Variants in CNTNAP2 observed in about 807,000 individuals in gnomAD.
CNTNAP2 encodes contactin-associated protein-like 2.
In CNTNAP2, 98 loss-of-function variants were observed where a neutral mutation model predicts 155.2. That is an observed-to-expected ratio of 0.63 (90% CI 0.54 to 0.75). CNTNAP2 has a LOEUF of 0.75. CNTNAP2 is among the 30% of genes least tolerant of loss of function. The pLI is 0.00. For missense variants in CNTNAP2, 1,727 were observed against 1,688.1 expected, an observed-to-expected ratio of 1.02 and a Z score of -0.40; for synonymous variants, 651 against 631.2, an observed-to-expected ratio of 1.03 and a Z score of -0.47.
At chr7:147,309,835 G>A (rs1049954962) in intron 9 of CNTNAP2, among the ~76,000 whole-genome samples, 1 of 151,948 alleles carries the variant, frequency 6.6e-6, no homozygotes, top group Non-Finnish European at 1.5e-5. Context: ...TCATCACCCA[G>A]GTGTAATAAG....
chr7:147,273,220 G>A (rs13235260), intron 8 of CNTNAP2, among the ~76,000 whole-genome samples: 9 of 151,840 alleles, frequency 5.9e-5, no homozygotes, highest in African/African-American at 1.9e-4. Flanking sequence ...TACAGTCTAC[G>A]TTGAGGGGTT....
chr7:147,299,927 T>C (rs1043963345), intron 8 of CNTNAP2, among the ~76,000 whole-genome samples: 5 of 152,184 alleles, frequency 3.3e-5, no homozygotes, highest in African/African-American at 1.2e-4. Flanking sequence ...CTCTACTTGA[T>C]TGGGTTATAT....
intron 1 of CNTNAP2, among the ~76,000 whole-genome samples, chr7:146,282,972 A>G (rs577307443): frequency 6.6e-4 from 100 of 152,328 alleles, no homozygotes; most frequent in African/African-American, 2.2e-3. Context: ...AAACTAGAAT[A>G]TCACATCTTC....
chr7:147,841,960 T>C (rs1216199547), intron 13 of CNTNAP2, among the ~76,000 whole-genome samples: 1 of 149,874 alleles, frequency 6.7e-6, no homozygotes, highest in African/African-American at 2.5e-5. Flanking sequence ...GATTTTAAAT[T>C]ATAAACCAAA....
chr7:147,485,023 G>A (rs963538305), intron 10 of CNTNAP2, among the ~76,000 whole-genome samples: 1 of 152,134 alleles, frequency 6.6e-6, no homozygotes, highest in Admixed American at 6.5e-5. Context: ...TGATGGGAGG[G>A]ATGAGTGGAT....
At chr7:147,262,180 G>A (rs1323399967) in intron 8 of CNTNAP2, among the ~76,000 whole-genome samples, 2 of 152,198 alleles carry the variant, frequency 1.3e-5, no homozygotes, top group Non-Finnish European at 2.9e-5. Flanking sequence ...AGTGAATGTG[G>A]AACATACTGA....
At chr7:148,358,282 G>A (rs1798555488) in intron 21 of CNTNAP2, among the ~76,000 whole-genome samples, 1 of 152,162 alleles carries the variant, frequency 6.6e-6, no homozygotes, top group South Asian at 2.1e-4. Context: ...CAGAATGAGA[G>A]GATCCTACGC....
chr7:148,299,212 A>C (rs922673543), intron 21 of CNTNAP2, among the ~76,000 whole-genome samples: 1 of 151,892 alleles, frequency 6.6e-6, no homozygotes, highest in Admixed American at 6.6e-5. Flanking sequence ...GAATGGTCTC[A>C]ATCTCCCGAC....
At chr7:147,813,382 A>T (rs561206080) in intron 13 of CNTNAP2, among the ~76,000 whole-genome samples, 3 of 152,348 alleles carry the variant, frequency 2.0e-5, no homozygotes, top group African/African-American at 7.2e-5. Flanking sequence ...GATGAAAAAG[A>T]TAGTCATATG....
intron 1 of CNTNAP2, among the ~76,000 whole-genome samples, chr7:146,166,139 G>A (rs748652271): frequency 6.6e-6 from 1 of 152,086 alleles, no homozygotes; most frequent in African/African-American, 2.4e-5. Context: ...TGTTGCCCAG[G>A]CTGGAGTGCA....
chr7:146,245,722 C>T (rs752355829), intron 1 of CNTNAP2, among the ~76,000 whole-genome samples: 4 of 152,062 alleles, frequency 2.6e-5, no homozygotes, highest in African/African-American at 7.3e-5. Context: ...TTGGGCTTGA[C>T]TGAAGTAATG....
intron 21 of CNTNAP2, among the ~76,000 whole-genome samples, chr7:148,314,761 T>C (rs1213505789): frequency 1.3e-5 from 2 of 151,740 alleles, no homozygotes; most frequent in East Asian, 3.9e-4. Context: ...CCACTAAGGG[T>C]GAAGGACCAA....
At chr7:147,381,386 C>T (rs144400369) in intron 9 of CNTNAP2, among the ~76,000 whole-genome samples, 71 of 152,110 alleles carry the variant, frequency 4.7e-4, no homozygotes, top group Non-Finnish European at 8.2e-4. Context: ...AATGTTTACA[C>T]TTATAAGAAA....
intron 1 of CNTNAP2, among the ~76,000 whole-genome samples, chr7:146,317,540 G>A (rs73463963): frequency 0.065 from 9,911 of 152,110 alleles, 910 homozygotes; most frequent in African/African-American, 0.2. Context: ...TACTGATTTC[G>A]TCTCAGTCTG....
intron 1 of CNTNAP2, among the ~76,000 whole-genome samples, chr7:146,716,179 G>T (rs946204675): frequency 1.4e-5 from 2 of 144,208 alleles, no homozygotes; most frequent in African/African-American, 5.2e-5. Flanking sequence ...CCTGAGAATT[G>T]TATGGCGCAT....
intron 1 of CNTNAP2, among the ~76,000 whole-genome samples, chr7:146,324,810 T>C (rs1303747055): frequency 6.6e-6 from 1 of 152,112 alleles, no homozygotes; most frequent in African/African-American, 2.4e-5. Context: ...TATAAAACTA[T>C]TTTATCAAAA....
chr7:146,525,192 G>C (rs369007064), intron 1 of CNTNAP2, among the ~76,000 whole-genome samples: 1 of 151,824 alleles, frequency 6.6e-6, no homozygotes, highest in Admixed American at 6.6e-5. Context: ...GGTAATCCTC[G>C]GCTATTTGTG....
At position 146,934,154 on chromosome 7, in the gene CNTNAP2, C is replaced by T. The variant is rs552444342; in HGVS notation, c.402+94250C>T. ...GACACATGCACACGTATGTTTATTG[C>T]GGCACTATTCACAATAGCAAAGACT... On this transcript the variant is annotated intron_variant, in intron 3 of 23. Coordinates refer to ENST00000361727, the MANE Select transcript of CNTNAP2 (RefSeq NM_014141.6). Among the ~76,000 whole-genome samples the T allele has an allele frequency of 1.6e-4, 25 of 151,894 alleles. No homozygotes were observed. In the East Asian group the frequency reaches 1.9e-3, roughly 12 times the overall value.
chr7:146,547,007 G>T (rs887896429), intron 1 of CNTNAP2, among the ~76,000 whole-genome samples: 1 of 151,882 alleles, frequency 6.6e-6, no homozygotes, highest in Non-Finnish European at 1.5e-5. Context: ...AGAAGAGAGG[G>T]AGACAGGCAG....
Sources: allele counts gnomAD v4.1 joint callset (sites outside exome capture counted in the v4.1 genomes callset), GRCh38; gene constraint gnomAD v4.1.1; transcripts MANE v1.5; gene names NCBI Gene and HGNC (gene_info 2026-07-23, HGNC 2026-07-21).